NOL11: variants seen among roughly 807,000 people sequenced by gnomAD.
NOL11 encodes nucleolar protein 11.
A neutral mutation model predicts 93.0 loss-of-function variants in NOL11; 42 were observed. The ratio of observed to expected loss-of-function variants is 0.45; its 90% CI spans 0.35 to 0.58. The LOEUF is 0.58. NOL11 is among the 20% of genes least tolerant of loss of function. The pLI, the probability that NOL11 is intolerant of heterozygous loss-of-function variation, is 0.00. For synonymous variants in NOL11, 296 were observed against 293.7 expected, an observed-to-expected ratio of 1.01 and a Z score of -0.08; for missense variants, 775 against 841.8, an observed-to-expected ratio of 0.92 and a Z score of 0.98.
intron 11 of NOL11, 42 bp from the exon 12 acceptor site, chr17:67,737,466 C>G: frequency 6.7e-7 from 1 of 1,487,240 alleles, no homozygotes; most frequent in South Asian, 1.3e-5. Flanking sequence ...GAGTGACATT[C>G]GTTAATGTGC....
chr17:67,738,122 C>T lies in NOL11; in HGVS notation c.1530C>T (p.Ser510=), dbSNP rs1245803274. 6.3e-7 allele frequency: 1 copy of T among 1,598,934 alleles called. No homozygotes were observed. Among genetic ancestry groups the T allele is most frequent in the Non-Finnish European group, 8.6e-7 (1 of 1,167,726 alleles). ...VTCACLKIFL[S]IGDDSLQETD... Reference sequence around the variant, plus strand: ...CTCTTGCTTTCAACTACCATCATAGCATTGGTGATGACAGTCTTCAAGAAA... The same window carrying T: ...CTCTTGCTTTCAACTACCATCATAGTATTGGTGATGACAGTCTTCAAGAAA... The change falls in exon 14 of 18, where the codon AGC becomes AGT. Residue 510 remains serine, a splice_region_variant and synonymous_variant. Transcript: ENST00000253247.
At chr17:67,725,958 T>C (rs897304697) in intron 6 of NOL11, among the ~76,000 whole-genome samples, 1 of 152,110 alleles carries the variant, frequency 6.6e-6, no homozygotes, top group Non-Finnish European at 1.5e-5. Context: ...TTTGTGCACC[T>C]GTAGTCCCCG....
chr17:67,742,905 T>C (rs1275528776), intron 16 of NOL11, among the ~76,000 whole-genome samples: 1 of 152,188 alleles, frequency 6.6e-6, no homozygotes, highest in African/African-American at 2.4e-5. Flanking sequence ...TTTTTGTGTG[T>C]GTGACTGAAA....
chr17:67,742,753 C>T (rs192878520), intron 16 of NOL11, among the ~76,000 whole-genome samples: 219 of 152,304 alleles, frequency 1.4e-3, no homozygotes, highest in African/African-American at 5.0e-3. Context: ...ATGTTAACTA[C>T]ACCACTGGAA....
chr17:67,743,459 C>T lies in NOL11; in HGVS notation c.1936-20C>T. ...AAGTTAAATTTAAAATCTTAACTTC[C>T]TTTTCCTATTCATCTTCAGATTATG... On this transcript the variant is annotated intron_variant, in intron 16 of 17. Transcript: ENST00000253247. 2 of 1,114,450 alleles carry T rather than the reference C, an allele frequency of 1.8e-6. No individual in the cohort carries two copies. The highest frequency in any genetic ancestry group is 2.4e-5 in the East Asian group (1 of 41,090). 69.0% of individuals were successfully genotyped at this position (1,114,450 alleles called of 1,614,324 possible).
chr17:67,729,804 C>G (rs960972528), intron 7 of NOL11, among the ~76,000 whole-genome samples: 1 of 151,694 alleles, frequency 6.6e-6, no homozygotes, highest in Non-Finnish European at 1.5e-5. Context: ...TGGTCTCGAT[C>G]CCCTGACCTC....
rs992261974 is a variant in NOL11, at chr17:67,735,442, A to G, written c.931-458A>G. 5.9e-5 allele frequency among the ~76,000 whole-genome samples: 9 copies of G among 151,866 alleles called. No individual in the cohort carries two copies. The South Asian group carries it at 1.9e-3, about 31-fold the overall frequency. Reference sequence around the variant, plus strand: ...ATTTTATTTGTTTTATCATTTTATTATTTATTATTACAAACTTTTTTTTAT... The same window carrying G: ...ATTTTATTTGTTTTATCATTTTATTGTTTATTATTACAAACTTTTTTTTAT... On this transcript the variant is annotated intron_variant, in intron 8 of 17. Transcript: ENST00000253247.
intron 16 of NOL11, chr17:67,740,730 GA>G (rs1365628814): frequency 2.6e-5 from 4 of 154,506 alleles, no homozygotes; most frequent in Non-Finnish European, 5.9e-5. Flanking sequence ...TGGAGGCAAA[GA>G]AATGTGGACT....
At position 67,734,349 on chromosome 17, in the gene NOL11, G is replaced by T. The variant is rs2055181899; in HGVS notation, c.854-14G>T. ...ACTTGGGACTTTTTTCTGAATTTATGTCTTATTTTATAGAATGCCTCTCTG... is the reference window on the plus strand; with the variant it reads ...ACTTGGGACTTTTTTCTGAATTTATTTCTTATTTTATAGAATGCCTCTCTG... On this transcript the variant is annotated splice_polypyrimidine_tract_variant and intron_variant, in intron 7 of 17. Transcript: ENST00000253247. 6.7e-7 allele frequency: 1 copy of T among 1,490,630 alleles called. No individual in the cohort carries two copies. The allele number at this position is 1,490,630 out of a possible 1,614,324, so 92.3% of individuals were successfully genotyped here.
At chr17:67,724,349 TTTG>T (rs1170671921) in intron 6 of NOL11, among the ~76,000 whole-genome samples, 156 bp downstream of exon 6, 1 of 151,058 alleles carries the variant, frequency 6.6e-6, no homozygotes, top group African/African-American at 2.4e-5. Context: ...TTTTTTTTTT[TTTG>T]AGACAGAGTC....
At chr17:67,736,409 A>G (rs565600976) in intron 9 of NOL11, among the ~76,000 whole-genome samples, 1 of 152,236 alleles carries the variant, frequency 6.6e-6, no homozygotes, top group African/African-American at 2.4e-5. Flanking sequence ...GGGCAATGGG[A>G]GAACCCCCAA....
chr17:67,727,191 A>C (rs2047451611), intron 7 of NOL11, among the ~76,000 whole-genome samples: 1 of 152,200 alleles, frequency 6.6e-6, no homozygotes, highest in East Asian at 1.9e-4. Flanking sequence ...CTTCACTAGA[A>C]AACTCAGACT....
Position 67,719,715 on chromosome 17 carries a change from A to C in NOL11, c.183A>C (p.Gln61His), listed in dbSNP as rs2043203045. 1 of 1,610,068 alleles carries C rather than the reference A, an allele frequency of 6.2e-7. No homozygotes were observed. The highest frequency in any genetic ancestry group is 1.3e-5 in the African/African-American group (1 of 74,844). Residue 61 changes from glutamine (Q) to histidine (H), a missense_variant, in exon 2 of 18, where the codon CAA becomes CAC. Gln to His is a conservative substitution (Grantham distance 24). Coordinates refer to ENST00000253247, the MANE Select transcript of NOL11 (RefSeq NM_015462.5). ...QKPLGSWSVKQGQIITCPAVC... is the reference protein window; with the variant it reads ...QKPLGSWSVKHGQIITCPAVC... Reference sequence around the variant, plus strand: ...CCTTGGGGAGCTGGTCAGTGAAACAAGGTCAAATTATAACATGTCCAGCTG... The same window carrying C: ...CCTTGGGGAGCTGGTCAGTGAAACACGGTCAAATTATAACATGTCCAGCTG...
At chr17:67,737,484 A>G (rs763247074) in intron 11 of NOL11, 24 bp from the exon 12 acceptor site, 2 of 1,571,164 alleles carry the variant, frequency 1.3e-6, no homozygotes, top group Non-Finnish European at 1.7e-6. Flanking sequence ...TGCCAAACTG[A>G]ATTCTTTAAT....
intron 3 of NOL11, chr17:67,720,300 C>CTT (rs766269065): frequency 2.3e-4 from 30 of 132,452 alleles, no homozygotes; most frequent in East Asian, 8.8e-4. Context: ...GTGTATTGTA[C>CTT]TTTTTTTTTT....
chr17:67,735,280 G>C (rs926146420), intron 8 of NOL11, among the ~76,000 whole-genome samples: 2 of 151,844 alleles, frequency 1.3e-5, no homozygotes, highest in Non-Finnish European at 2.9e-5. Context: ...AGGATGTTTT[G>C]GTAATTTTAA....
chr17:67,731,260 T>G (rs1215094836), intron 7 of NOL11, among the ~76,000 whole-genome samples: 306 of 14,164 alleles, frequency 0.022, 112 homozygotes, highest in African/African-American at 0.063. Context: ...AGTTTTTTTT[T>G]TTTTTTTTTT....
At chr17:67,723,005 C>CTTTT (rs61233443) in intron 5 of NOL11, among the ~76,000 whole-genome samples, 1 of 124,612 alleles carries the variant, frequency 8.0e-6, no homozygotes, top group African/African-American at 3.1e-5. Context: ...AATTTCAAAA[C>CTTTT]TTTTTTTTTT....
chr17:67,720,029 G>C (rs559123351), intron 3 of NOL11, 67 bp downstream of exon 3: 1 of 1,396,664 alleles, frequency 7.2e-7, no homozygotes. Flanking sequence ...TCATAATAAA[G>C]TATGTGTTAT....
Sources: gnomAD v4.1 joint callset for allele counts (sites outside exome capture counted in the v4.1 genomes callset) on GRCh38, gnomAD v4.1.1 for gene constraint, MANE v1.5 for transcripts, NCBI Gene and HGNC (gene_info 2026-07-23, HGNC 2026-07-21) for gene names.